CSMD1: variants seen among roughly 807,000 people sequenced by gnomAD.
The protein encoded by CSMD1 is CUB and Sushi multiple domains 1.
In CSMD1, 213 loss-of-function variants were observed where a neutral mutation model predicts 417.5. The ratio of observed to expected loss-of-function variants is 0.51; its 90% CI spans 0.46 to 0.57. CSMD1 has a LOEUF of 0.57. CSMD1 is among the 20% of genes least tolerant of loss of function. The pLI, the probability that CSMD1 is intolerant of heterozygous loss-of-function variation, is 0.00. For synonymous variants in CSMD1, 2,862 were observed against 1,736.8 expected (o/e 1.65, Z -16.11); for missense variants, 6,923 against 4,529.7 (o/e 1.53, Z -15.17).
chr8:4,685,265 C>A (rs927738933), intron 1 of CSMD1, among the ~76,000 whole-genome samples: 2 of 152,198 alleles, frequency 1.3e-5, no homozygotes, highest in Admixed American at 1.3e-4. Flanking sequence ...CTACTTACCA[C>A]ATGCATCATA....
At chr8:4,409,059 T>C (rs1030884586) in intron 3 of CSMD1, among the ~76,000 whole-genome samples, 6 of 152,230 alleles carry the variant, frequency 3.9e-5, no homozygotes, top group African/African-American at 1.4e-4. Flanking sequence ...ACATTCGGCA[T>C]TGAATTTATT....
At chr8:4,991,457 C>T (rs1811457348) in intron 1 of CSMD1, among the ~76,000 whole-genome samples, 1 of 152,242 alleles carries the variant, frequency 6.6e-6, no homozygotes, top group African/African-American at 2.4e-5. Flanking sequence ...CGACCGCCTC[C>T]AGCCTCACGA....
chr8:3,089,423 C>T (rs922334690), intron 48 of CSMD1, among the ~76,000 whole-genome samples: 5 of 152,192 alleles, frequency 3.3e-5, no homozygotes, highest in Admixed American at 6.5e-5. Context: ...AACCACTGTT[C>T]GCAGGCATTT....
intron 3 of CSMD1, among the ~76,000 whole-genome samples, chr8:4,387,085 G>T (rs1803503934): frequency 6.6e-6 from 1 of 152,120 alleles, no homozygotes; most frequent in Non-Finnish European, 1.5e-5. Context: ...AATTTCAAAA[G>T]CCAATTAATA....
chr8:4,930,126 C>T (rs375080035), intron 1 of CSMD1, among the ~76,000 whole-genome samples: 1 of 152,140 alleles, frequency 6.6e-6, no homozygotes, highest in Non-Finnish European at 1.5e-5. Flanking sequence ...GACCTTACAT[C>T]AATTGCGTTG....
At chr8:3,033,935 C>A (rs1007827420) in intron 50 of CSMD1, among the ~76,000 whole-genome samples, 50 of 152,160 alleles carry the variant, frequency 3.3e-4, no homozygotes, top group African/African-American at 1.2e-3. Context: ...AGTCTCAGCT[C>A]ATCACAGCAG....
intron 25 of CSMD1, among the ~76,000 whole-genome samples, chr8:3,293,552 C>G (rs1319666533): frequency 1.3e-5 from 2 of 152,086 alleles, no homozygotes; most frequent in Admixed American, 6.6e-5. Flanking sequence ...CTCTAAACTT[C>G]TCTTCTTGCT....
chr8:4,720,975 G>T (rs1809018706), intron 1 of CSMD1, among the ~76,000 whole-genome samples: 1 of 152,070 alleles, frequency 6.6e-6, no homozygotes. Flanking sequence ...TACTTCACCG[G>T]AAGACAATTT....
chr8:4,123,746 G>C lies in CSMD1; in HGVS notation c.416-91647C>G, dbSNP rs143794267. On this transcript the variant is annotated intron_variant, in intron 3 of 69. Coordinates refer to ENST00000635120, the MANE Select transcript of CSMD1 (RefSeq NM_033225.6). ...ATTGTAGATCATTAGAATTCAATGTGTTTATGCTGTGATAATTTACTGATG... is the reference window on the plus strand; with the variant it reads ...ATTGTAGATCATTAGAATTCAATGTCTTTATGCTGTGATAATTTACTGATG... 1.6e-4 allele frequency among the ~76,000 whole-genome samples: 25 copies of C among 152,276 alleles called. No individual in the cohort carries two copies. The East Asian group carries it at 4.6e-3, about 28-fold the overall frequency.
intron 7 of CSMD1, among the ~76,000 whole-genome samples, chr8:3,695,950 C>G (rs1421969588): frequency 6.6e-6 from 1 of 152,170 alleles, no homozygotes; most frequent in African/African-American, 2.4e-5. Context: ...ATCAGACCTT[C>G]CAAAAACTAC....
chr8:4,385,183 G>C (rs555745516), intron 3 of CSMD1, among the ~76,000 whole-genome samples: 88 of 152,146 alleles, frequency 5.8e-4, no homozygotes, highest in African/African-American at 2.1e-3. Flanking sequence ...CCGTCTCGGC[G>C]TCTTAAAGTG....
intron 8 of CSMD1, among the ~76,000 whole-genome samples, chr8:3,607,859 G>A (rs566706170): frequency 5.3e-5 from 8 of 152,130 alleles, no homozygotes; most frequent in East Asian, 1.9e-4. Flanking sequence ...GATACTTGAG[G>A]AAGAACATGA....
chr8:4,114,430 G>C (rs1227882933), intron 3 of CSMD1, among the ~76,000 whole-genome samples: 1 of 152,188 alleles, frequency 6.6e-6, no homozygotes, highest in Non-Finnish European at 1.5e-5. Flanking sequence ...TGACAACACA[G>C]GTGGTTACGG....
chr8:4,457,575 T>C (rs977220038), intron 2 of CSMD1, among the ~76,000 whole-genome samples: 7 of 152,156 alleles, frequency 4.6e-5, no homozygotes, highest in African/African-American at 1.7e-4. Context: ...TTATTGTCTC[T>C]GAGCTTCAAA....
At chr8:4,771,181 C>T (rs909719795) in intron 1 of CSMD1, among the ~76,000 whole-genome samples, 2 of 152,140 alleles carry the variant, frequency 1.3e-5, no homozygotes, top group Non-Finnish European at 2.9e-5. Context: ...GACTGAGGCC[C>T]AGAAATGGAG....
intron 8 of CSMD1, among the ~76,000 whole-genome samples, chr8:3,601,478 A>G (rs1307352153): frequency 6.6e-6 from 1 of 152,210 alleles, no homozygotes; most frequent in Non-Finnish European, 1.5e-5. Flanking sequence ...CATATCACGG[A>G]TGACATACAC....
At chr8:3,983,741 C>A (rs927254036) in intron 5 of CSMD1, among the ~76,000 whole-genome samples, 2 of 152,326 alleles carry the variant, frequency 1.3e-5, no homozygotes, top group Non-Finnish European at 2.9e-5. Flanking sequence ...TTCCCCTAGT[C>A]TGGTAGCATC....
chr8:4,722,630 C>A (rs1422696817), intron 1 of CSMD1, among the ~76,000 whole-genome samples: 3 of 151,778 alleles, frequency 2.0e-5, no homozygotes, highest in African/African-American at 7.3e-5. Context: ...AGTCCACAGG[C>A]AATGTAATAG....
intron 8 of CSMD1, among the ~76,000 whole-genome samples, chr8:3,586,848 G>A (rs1800624049): frequency 6.6e-6 from 1 of 152,168 alleles, no homozygotes; most frequent in Non-Finnish European, 1.5e-5. Flanking sequence ...CACCCAGGCT[G>A]GAGTGCAGTG....
Sources: gnomAD v4.1 joint callset for allele counts (sites outside exome capture counted in the v4.1 genomes callset) on GRCh38, gnomAD v4.1.1 for gene constraint, MANE v1.5 for transcripts, NCBI Gene and HGNC (gene_info 2026-07-23, HGNC 2026-07-21) for gene names.